The following WNT8B variants were observed in gnomAD, a reference collection of about 807,000 sequenced individuals.
WNT8B encodes protein Wnt-8b.
In WNT8B, 24 loss-of-function variants were observed where a neutral mutation model predicts 36.6. The observed-to-expected ratio is 0.66, with a 90% CI of 0.48 to 0.92. WNT8B has a LOEUF of 0.92. Among genes scored for constraint, WNT8B ranks in the 40% least tolerant of loss-of-function variants. The pLI is 0.00. For missense variants in WNT8B, 402 were observed against 470.8 expected (o/e 0.85, Z 1.35); for synonymous variants, 199 against 189.8 (o/e 1.05, Z -0.40).
chr10:100,482,119 GA>G lies in WNT8B; in HGVS notation c.510+66del, dbSNP rs1406044493. 1 of 1,605,552 alleles carries G rather than the reference GA, an allele frequency of 6.2e-7. No individual in the cohort carries two copies. Among genetic ancestry groups the G allele is most frequent in the African/African-American group, 1.3e-5 (1 of 74,900 alleles). Reference sequence around the variant, plus strand: ...ATATCCACTACCAGCTCCAGGTGCGGACAACTCTTCAGTTCATTTAAAAGAT... The same window carrying G: ...ATATCCACTACCAGCTCCAGGTGCGGCAACTCTTCAGTTCATTTAAAAGAT... On this transcript the variant is annotated intron_variant, in intron 5 of 5. Transcript: ENST00000343737. The surrounding 1 kb of genome is among the most constrained non-coding windows in gnomAD (Gnocchi z 6.6).
intron 4 of WNT8B, among the ~76,000 whole-genome samples, chr10:100,481,690 C>G (rs917165947): frequency 6.6e-6 from 1 of 152,318 alleles, no homozygotes; most frequent in Non-Finnish European, 1.5e-5. Flanking sequence ...CAACTACTTA[C>G]GTCGTTGAGC....
chr10:100,478,561 T>C (rs1589725417), intron 1 of WNT8B, among the ~76,000 whole-genome samples: 1 of 151,860 alleles, frequency 6.6e-6, no homozygotes, highest in South Asian at 2.1e-4. Flanking sequence ...TTTTTTCTAC[T>C]AAGTTTTATG....
At chr10:100,473,117 C>T (rs1464901876) in intron 1 of WNT8B, among the ~76,000 whole-genome samples, 1 of 152,168 alleles carries the variant, frequency 6.6e-6, no homozygotes, top group Admixed American at 6.5e-5. Flanking sequence ...GGAGGGTATA[C>T]AGAGATAATT....
At chr10:100,467,799 A>G (rs1022168314) in intron 1 of WNT8B, among the ~76,000 whole-genome samples, 2 of 152,216 alleles carry the variant, frequency 1.3e-5, no homozygotes, top group Non-Finnish European at 2.9e-5. Flanking sequence ...TGAGAACAGC[A>G]TATATAACAA....
At chr10:100,464,265 T>C (rs1412475743) in intron 1 of WNT8B, among the ~76,000 whole-genome samples, 3 of 152,302 alleles carry the variant, frequency 2.0e-5, no homozygotes, top group African/African-American at 4.8e-5. Flanking sequence ...ATAAAACTAT[T>C]TGCAAGTTAA....
intron 1 of WNT8B, among the ~76,000 whole-genome samples, chr10:100,476,647 A>T (rs1308575891): frequency 6.6e-6 from 1 of 152,228 alleles, no homozygotes; most frequent in East Asian, 1.9e-4. Context: ...ATAATGGAAA[A>T]ACAAAGATAA....
intron 1 of WNT8B, among the ~76,000 whole-genome samples, chr10:100,471,870 C>T (rs1850980735): frequency 6.6e-6 from 1 of 152,096 alleles, no homozygotes; most frequent in African/African-American, 2.4e-5. Context: ...GTCCTGGCAA[C>T]ACAACGAGAC....
At chr10:100,468,647 A>G (rs1850938273) in intron 1 of WNT8B, among the ~76,000 whole-genome samples, 1 of 152,238 alleles carries the variant, frequency 6.6e-6, no homozygotes, top group South Asian at 2.1e-4. Flanking sequence ...TACAATACAT[A>G]AAGAAGGAAA....
intron 1 of WNT8B, among the ~76,000 whole-genome samples, chr10:100,466,597 G>A (rs1450226794): frequency 2.6e-5 from 4 of 152,080 alleles, no homozygotes; most frequent in Non-Finnish European, 5.9e-5. Context: ...GATGCTCTAA[G>A]ATGCATCTTT....
chr10:100,467,713 A>G (rs1850921970), intron 1 of WNT8B, among the ~76,000 whole-genome samples: 1 of 152,206 alleles, frequency 6.6e-6, no homozygotes, highest in Non-Finnish European at 1.5e-5. Context: ...CAGATTCCAT[A>G]GATTATTGCT....
intron 1 of WNT8B, among the ~76,000 whole-genome samples, chr10:100,473,658 G>T (rs1488744047): frequency 1.3e-5 from 2 of 152,184 alleles, no homozygotes; most frequent in African/African-American, 4.8e-5. Context: ...TGGACATGGT[G>T]GCTCATGCCT....
At chr10:100,480,903 G>A (rs1851101256) in intron 3 of WNT8B, 95 bp from the exon 4 acceptor site, 2 of 1,385,958 alleles carry the variant, frequency 1.4e-6, no homozygotes, top group Admixed American at 3.9e-5. Context: ...TAGGGAAAGA[G>A]GATATAATGA....
At chr10:100,470,336 A>G (rs1850962582) in intron 1 of WNT8B, among the ~76,000 whole-genome samples, 1 of 152,290 alleles carries the variant, frequency 6.6e-6, no homozygotes, top group African/African-American at 2.4e-5. Flanking sequence ...CCTTTTTAAA[A>G]TATCATCATT....
chr10:100,470,899 C>T (rs534357335), intron 1 of WNT8B, among the ~76,000 whole-genome samples: 5 of 152,102 alleles, frequency 3.3e-5, no homozygotes, highest in South Asian at 2.1e-4. Flanking sequence ...CACACCACCA[C>T]GCCCAGCTAA....
rs749068127 is a variant in WNT8B at position 100,481,913 on chromosome 10, G to C, written c.369G>C (p.Gly123=). The change falls in exon 5 of 6, where the codon GGG becomes GGC. Residue 123 remains glycine (G), a splice_region_variant and synonymous_variant. Transcript: ENST00000343737. ...TGTCCTCCCTCTGCACTTTTCCAGG[G>C]GGACAAGGCTGGCTGTGGGGAGGCT... The part of the protein sequence containing the change: ...GCDDSRNGQL[G]GQGWLWGGCS... 2.7e-5 allele frequency: 44 copies of C among 1,613,982 alleles called. No individual in the cohort carries two copies. In the South Asian group the frequency reaches 4.8e-4, roughly 18 times the overall value.
chr10:100,479,121 C>T (rs182749569), intron 2 of WNT8B, 36 bp downstream of exon 2: 1,029 of 1,569,556 alleles, frequency 6.6e-4, no homozygotes, highest in Non-Finnish European at 6.4e-4. Context: ...ATGGATTTCA[C>T]TAATCTTAGC....
At chr10:100,478,737 A>G (rs1260453111) in intron 1 of WNT8B, among the ~76,000 whole-genome samples, 1 of 151,978 alleles carries the variant, frequency 6.6e-6, no homozygotes, top group Non-Finnish European at 1.5e-5. Flanking sequence ...GCCTGCCACC[A>G]TGCCCCGCTA....
rs1331861745 is a variant in WNT8B, at chr10:100,480,673, C to T, written c.242-325C>T. On this transcript the variant is annotated intron_variant, in intron 3 of 5. Transcript: ENST00000343737. ...GGAGGTGAGAAGAGCAGGGCTAAGG[C>T]CAGGGATGGGGCAGACCATGCAAGA... 3.3e-5 allele frequency among the ~76,000 whole-genome samples: 5 copies of T among 152,022 alleles called. No homozygotes were observed. In the East Asian group the frequency reaches 9.7e-4, roughly 29 times the overall value.
At chr10:100,468,496 G>T (rs1429928604) in intron 1 of WNT8B, among the ~76,000 whole-genome samples, 1 of 152,210 alleles carries the variant, frequency 6.6e-6, no homozygotes, top group Non-Finnish European at 1.5e-5. Flanking sequence ...TGGGAATGGT[G>T]GCTTGAGCTG....
Sources: allele counts gnomAD v4.1 joint callset (sites outside exome capture counted in the v4.1 genomes callset), GRCh38; gene constraint gnomAD v4.1.1; non-coding constraint Gnocchi (gnomAD v3.1); transcripts MANE v1.5; gene names NCBI Gene and HGNC (gene_info 2026-07-23, HGNC 2026-07-21).